CUX1: variants seen among roughly 807,000 people sequenced by gnomAD.
CUX1 encodes the protein cut like homeobox 1.
Under a neutral mutation model 158.8 loss-of-function variants are expected in CUX1, and 31 were observed. The ratio of observed to expected loss-of-function variants is 0.20; its 90% CI spans 0.15 to 0.26. The LOEUF is 0.26. Among genes scored for constraint, CUX1 ranks in the 10% least tolerant of loss-of-function variants. The pLI is 1.00. For missense variants in CUX1, 1,589 were observed against 2,014.6 expected, an observed-to-expected ratio of 0.79 and a Z score of 4.04; for synonymous variants, 879 against 862.1, an observed-to-expected ratio of 1.02 and a Z score of -0.34.
At chr7:102,215,504 C>T (rs1211492077) in intron 20 of CUX1, among the ~76,000 whole-genome samples, 6 of 152,130 alleles carry the variant, frequency 3.9e-5, no homozygotes, top group Admixed American at 2.0e-4. Flanking sequence ...TCGCTGATAA[C>T]GTGAGCACCG....
intron 1 of CUX1, among the ~76,000 whole-genome samples, chr7:101,909,888 C>T (rs1245260044): frequency 6.6e-6 from 1 of 152,178 alleles, no homozygotes; most frequent in African/African-American, 2.4e-5. Context: ...GGGGATGCCT[C>T]CCATACCCCC....
At chr7:102,145,300 A>G (rs1554501714) in intron 8 of CUX1, among the ~76,000 whole-genome samples, 1 of 151,906 alleles carries the variant, frequency 6.6e-6, no homozygotes, top group Admixed American at 6.6e-5. Flanking sequence ...GCCTCCCCAG[A>G]AATAGTTTAT....
chr7:102,083,481 T>C lies in CUX1; in HGVS notation c.268+13064T>C, dbSNP rs1390304210. ...GCCACCACACCCGATTAATTTTTTG[T>C]TTTTTCTAGACATGAGGTCTAGCTG... On this transcript the variant is annotated intron_variant, in intron 4 of 23. Transcript: ENST00000292535. Among the ~76,000 whole-genome samples, 5 of 146,418 alleles carry C rather than the reference T, an allele frequency of 3.4e-5. 2 individuals are homozygous for C. The highest frequency in any genetic ancestry group is 7.7e-5 in the Non-Finnish European group (5 of 64,828).
chr7:102,282,968 C>A, intron 22 of CUX1: 1 of 1,391,736 alleles, frequency 7.2e-7, no homozygotes, highest in East Asian at 2.3e-5. Context: ...GGTACACACC[C>A]CCCTTCCCCA....
In CUX1 at chr7:102,254,040, G is replaced by A. The variant is rs569386341; in HGVS notation, c.*4998G>A. ...GAAAAGCTGCCAGCGCAGCAGACAC[G>A]AACATCCCTCTGCCTGGTGGGCCGG... is the stretch of plus-strand genomic sequence containing the variant. On this transcript the variant is annotated 3_prime_UTR_variant, in exon 24 of 24. Coordinates refer to ENST00000292535, the MANE Select transcript of CUX1 (RefSeq NM_181552.4). The A allele has an allele frequency of 1.2e-5, 12 of 985,470 alleles. No homozygotes were observed. The highest frequency in any genetic ancestry group is 7.0e-5 in the African/African-American group (4 of 57,350). 61.0% of individuals were successfully genotyped at this position (985,470 alleles called of 1,614,324 possible). A position where few individuals can be genotyped will look rare whatever the true frequency, so the allele number is the denominator to read the frequency against.
chr7:101,821,588 T>C (rs1792537947), intron 1 of CUX1, among the ~76,000 whole-genome samples: 1 of 151,416 alleles, frequency 6.6e-6, no homozygotes, highest in African/African-American at 2.4e-5. Context: ...TCCGCCCGCC[T>C]TGGCCTCCCG....
intron 2 of CUX1, among the ~76,000 whole-genome samples, chr7:101,954,554 A>C (rs532002503): frequency 1.6e-4 from 25 of 152,328 alleles, no homozygotes; most frequent in African/African-American, 6.0e-4. Flanking sequence ...CATGCCTATA[A>C]TCCCAGCACT....
chr7:101,902,896 C>G (rs1471805711), intron 1 of CUX1, among the ~76,000 whole-genome samples: 3 of 152,206 alleles, frequency 2.0e-5, no homozygotes, highest in Non-Finnish European at 2.9e-5. Context: ...TACAGTTGTG[C>G]ACCACCACAC....
intron 2 of CUX1, among the ~76,000 whole-genome samples, chr7:101,927,250 A>G (rs1003897262): frequency 1.3e-5 from 2 of 152,092 alleles, no homozygotes; most frequent in African/African-American, 4.8e-5. Flanking sequence ...AGTCCCCCAC[A>G]TTTCTTCCAT....
rs184825311 is a variant in CUX1 at position 102,165,553 on chromosome 7, C to T, written c.724-4893C>T. Among the ~76,000 whole-genome samples, 109 of 152,142 alleles carry T rather than the reference C, an allele frequency of 7.2e-4. No homozygotes were observed. In the South Asian group the frequency reaches 0.014, roughly 20 times the overall value. On this transcript the variant is annotated intron_variant, in intron 9 of 23. Coordinates refer to ENST00000292535, the MANE Select transcript of CUX1 (RefSeq NM_181552.4). Reference sequence around the variant, plus strand: ...CTAATTTTTGTATTTTTAGTAGAGACAGGATTTCACCATGTTGACCAGGCT... The same window carrying T: ...CTAATTTTTGTATTTTTAGTAGAGATAGGATTTCACCATGTTGACCAGGCT...
chr7:102,280,201 T>C (rs2906709), intron 19 of CUX1: 899,592 of 899,602 alleles, frequency 1, 449,791 homozygotes, highest in Middle Eastern at 1. Flanking sequence ...ACTTGGCCCC[T>C]ATCCCTGAGC....
intron 14 of CUX1, among the ~76,000 whole-genome samples, chr7:102,269,025 C>T (rs940351399): frequency 2.0e-5 from 3 of 151,806 alleles, no homozygotes; most frequent in Admixed American, 2.0e-4. Context: ...CAACCTCTGC[C>T]TCCTGGGCTC....
At chr7:102,267,300 G>T (rs1790883632) in intron 14 of CUX1, among the ~76,000 whole-genome samples, 1 of 152,256 alleles carries the variant, frequency 6.6e-6, no homozygotes, top group Non-Finnish European at 1.5e-5. Context: ...TTGGGAGGCT[G>T]AGGTGGGTGG....
At chr7:102,001,446 C>T (rs912697920) in intron 2 of CUX1, among the ~76,000 whole-genome samples, 2 of 152,124 alleles carry the variant, frequency 1.3e-5, no homozygotes, top group Admixed American at 6.6e-5. Context: ...CAAGTTCAAG[C>T]CATTATCCTG....
chr7:102,022,229 C>T (rs1475858033), intron 2 of CUX1, among the ~76,000 whole-genome samples: 1 of 152,156 alleles, frequency 6.6e-6, no homozygotes, highest in Non-Finnish European at 1.5e-5. Flanking sequence ...ATGGTTTCCT[C>T]CAGCAATTGG....
chr7:102,192,414 G>A (rs538012674), intron 12 of CUX1, among the ~76,000 whole-genome samples: 75 of 152,242 alleles, frequency 4.9e-4, no homozygotes, highest in Non-Finnish European at 9.6e-4. Context: ...GATTCCCCAC[G>A]GCAACAAGCG....
At chr7:101,940,322 G>A (rs1807552030) in intron 2 of CUX1, among the ~76,000 whole-genome samples, 1 of 152,042 alleles carries the variant, frequency 6.6e-6, no homozygotes, top group South Asian at 2.1e-4. Flanking sequence ...GAAAAAAGAT[G>A]TAAGTGTTGT....
intron 6 of CUX1, among the ~76,000 whole-genome samples, chr7:102,109,523 C>T (rs1000093720): frequency 8.5e-5 from 13 of 152,132 alleles, no homozygotes; most frequent in African/African-American, 3.1e-4. Flanking sequence ...GTGGCTCATG[C>T]CTGCAATTTC....
intron 1 of CUX1, among the ~76,000 whole-genome samples, chr7:101,821,819 C>A (rs1792634675): frequency 6.8e-6 from 1 of 146,470 alleles, no homozygotes; most frequent in African/African-American, 2.5e-5. Flanking sequence ...GGACGATAGG[C>A]GCCCGCCACC....
Sources: gnomAD v4.1 joint callset for allele counts (sites outside exome capture counted in the v4.1 genomes callset) on GRCh38, gnomAD v4.1.1 for gene constraint, MANE v1.5 for transcripts, NCBI Gene and HGNC (gene_info 2026-07-23, HGNC 2026-07-21) for gene names.